Variants in GAN observed in about 807,000 individuals in gnomAD.
GAN encodes gigaxonin.
In GAN, 48 loss-of-function variants were observed where a neutral mutation model predicts 71.3. The observed-to-expected ratio is 0.67, with a 90% CI of 0.53 to 0.86. GAN has a LOEUF of 0.86. GAN is among the 40% of genes least tolerant of loss of function. The pLI is 0.00. For synonymous variants in GAN, 386 were observed against 276.8 expected (o/e 1.39, Z -3.92); for missense variants, 928 against 770.1 (o/e 1.21, Z -2.43).
intron 1 of GAN, among the ~76,000 whole-genome samples, chr16:81,333,954 C>T (rs1384515952): frequency 6.6e-6 from 1 of 152,218 alleles, no homozygotes; most frequent in African/African-American, 2.4e-5. Context: ...AACACATGCA[C>T]ACTCTGCAGA....
chr16:81,360,205 C>G lies in GAN; in HGVS notation c.973+2274C>G, dbSNP rs142364506. On this transcript the variant is annotated intron_variant, in intron 5 of 10. Transcript: ENST00000648994. ...TCAGACTTTCCACCTAGGATCATCT[C>G]CCTTCTCTCTGAAGTTCATCCTTTT... 3.3e-3 allele frequency among the ~76,000 whole-genome samples: 499 copies of G among 152,300 alleles called. 3 individuals are homozygous for G. The highest frequency in any genetic ancestry group is 0.011 in the African/African-American group (472 of 41,562).
chr16:81,324,360 T>C (rs1909311907), intron 1 of GAN, among the ~76,000 whole-genome samples: 1 of 152,120 alleles, frequency 6.6e-6, no homozygotes, highest in South Asian at 2.1e-4. Flanking sequence ...TGAGCATGGC[T>C]GCTGCTGTGG....
rs181123414 is a variant in GAN, at chr16:81,378,460, C to G, written c.*864C>G. The stretch of plus-strand genomic sequence containing the variant: ...GTAGGAGATTTTATAAAAGAAAGAC[C>G]TGAGTCAGACAAATAATAAAGGTCT... On this transcript the variant is annotated 3_prime_UTR_variant, in exon 11 of 11. Transcript: ENST00000648994. 2.6e-5 allele frequency: 4 copies of G among 152,204 alleles called. No homozygotes were observed. Among genetic ancestry groups the G allele is most frequent in the East Asian group, 1.9e-4 (1 of 5,174 alleles). 9.4% of individuals were successfully genotyped at this position (152,204 alleles called of 1,614,324 possible).
chr16:81,317,345 G>T (rs763772404), intron 1 of GAN, among the ~76,000 whole-genome samples: 8 of 152,244 alleles, frequency 5.3e-5, no homozygotes, highest in African/African-American at 1.4e-4. Flanking sequence ...ACTGGATTCA[G>T]AGTTTGAAGA....
rs1000230699 is a variant in GAN, at chr16:81,332,545, C to A, written c.167+17265C>A. Among the ~76,000 whole-genome samples, 4 of 152,326 alleles carry A rather than the reference C, an allele frequency of 2.6e-5. No individual in the cohort carries two copies. The East Asian group carries it at 7.7e-4, about 29-fold the overall frequency. ...CCCTCCAAGTATGCCTGCAAGTGCT[C>A]AGCCAACCTGAGTCGGGTGCCACCT... On this transcript the variant is annotated intron_variant, in intron 1 of 10. Coordinates refer to ENST00000648994, the MANE Select transcript of GAN (RefSeq NM_022041.4).
chr16:81,377,346 A>G lies in GAN; in HGVS notation c.1612+18A>G. 6.3e-7 allele frequency: 1 copy of G among 1,585,680 alleles called. No individual in the cohort carries two copies. Among genetic ancestry groups the G allele is most frequent in the Non-Finnish European group, 8.7e-7 (1 of 1,154,162 alleles). On this transcript the variant is annotated intron_variant, in intron 10 of 10. Coordinates refer to ENST00000648994, the MANE Select transcript of GAN (RefSeq NM_022041.4). The stretch of plus-strand genomic sequence containing the variant: ...TGATACAGGTAAGAGTGTTACAGTG[A>G]TTTTCTTGGAACTGTTTCCTGGTGA...
At chr16:81,345,667 C>A (rs1053199411) in intron 1 of GAN, among the ~76,000 whole-genome samples, 9 of 152,260 alleles carry the variant, frequency 5.9e-5, no homozygotes, top group Middle Eastern at 3.4e-3. Context: ...ATGGGTTCAG[C>A]AAACCACCAT....
rs143267977 is a variant in GAN, at chr16:81,355,942, T to A, written c.634-843T>A. 8.2e-3 allele frequency among the ~76,000 whole-genome samples: 1,250 copies of A among 152,296 alleles called. 4 individuals carry two copies. The highest frequency in any genetic ancestry group is 0.017 in the Middle Eastern group (5 of 294). ...ACAGGTAGTGTTCTGCTTTCCATGT[T>A]AGTTGGGGAAATTGGTAAAGGAGAT... On this transcript the variant is annotated intron_variant, in intron 3 of 10. Coordinates refer to ENST00000648994, the MANE Select transcript of GAN (RefSeq NM_022041.4).
At chr16:81,356,380 ATATTG>A (rs2150686669) in intron 3 of GAN, among the ~76,000 whole-genome samples, 1 of 152,208 alleles carries the variant, frequency 6.6e-6, no homozygotes, top group South Asian at 2.1e-4. Context: ...TAAGTTTACC[ATATTG>A]TATTGAGCTA....
chr16:81,386,629 C>G lies in GAN; in HGVS notation c.*9033C>G, dbSNP rs1284529587. The G allele has an allele frequency of 1.3e-5, 2 of 152,210 alleles. No individual in the cohort carries two copies. The highest frequency in any genetic ancestry group is 4.8e-5 in the African/African-American group (2 of 41,456). 9.4% of individuals were successfully genotyped at this position (152,210 alleles called of 1,614,324 possible). ...ATTTCAATAAGACATTTGATAAAGT[C>G]ATTCTTGATCTCTGAATGTGAAAAG... On this transcript the variant is annotated 3_prime_UTR_variant, in exon 11 of 11. Transcript: ENST00000648994.
At position 81,356,191 on chromosome 16, in the gene GAN, A is replaced by G. The variant is rs566624304; in HGVS notation, c.634-594A>G. Among the ~76,000 whole-genome samples the G allele has an allele frequency of 2.6e-5, 4 of 152,324 alleles. No homozygotes were observed. In the East Asian group the frequency reaches 5.8e-4, roughly 22 times the overall value. ...TTTAAAACTCACAGTTTTATTTTAC[A>G]TTTATAAAATACTTTCGTCAGTTCA... is the stretch of plus-strand genomic sequence containing the variant. On this transcript the variant is annotated intron_variant, in intron 3 of 10. Transcript: ENST00000648994.
chr16:81,382,434 T>C lies in GAN; in HGVS notation c.*4838T>C, dbSNP rs1257598693. 2.6e-5 allele frequency: 4 copies of C among 152,254 alleles called. No homozygotes were observed. The highest frequency in any genetic ancestry group is 2.1e-4 in the South Asian group (1 of 4,836). The allele number at this position is 152,254 out of a possible 1,614,324, so 9.4% of individuals were successfully genotyped here. ...AGCTATAGGAAGGTTAAGAATTTAT[T>C]TACTAAGGTCGTAAGAACAGAAGAA... On this transcript the variant is annotated 3_prime_UTR_variant, in exon 11 of 11. Coordinates refer to ENST00000648994, the MANE Select transcript of GAN (RefSeq NM_022041.4).
chr16:81,354,365 G>T lies in GAN; in HGVS notation c.283-40G>T, dbSNP rs117009369. On this transcript the variant is annotated intron_variant, in intron 2 of 10. Coordinates refer to ENST00000648994, the MANE Select transcript of GAN (RefSeq NM_022041.4). The stretch of plus-strand genomic sequence containing the variant: ...TAGGTTAGTGGTTTGGGTTTTAAAT[G>T]TACACATTCAAATATAAGATAATTA... The T allele has an allele frequency of 0.012, 16,263 of 1,305,052 alleles. 148 individuals carry two copies. The highest frequency in any genetic ancestry group is 0.015 in the Non-Finnish European group (13,339 of 899,240). The allele number at this position is 1,305,052 out of a possible 1,614,324, so 80.8% of individuals were successfully genotyped here.
intron 1 of GAN, among the ~76,000 whole-genome samples, chr16:81,331,358 T>A (rs1909571508): frequency 6.6e-6 from 1 of 152,160 alleles, no homozygotes; most frequent in Non-Finnish European, 1.5e-5. Flanking sequence ...CTAGATTGGA[T>A]CCTAGAACAG....
chr16:81,316,409 G>C (rs1004989256), intron 1 of GAN, among the ~76,000 whole-genome samples: 9 of 146,564 alleles, frequency 6.1e-5, no homozygotes, highest in South Asian at 2.1e-4. Flanking sequence ...AGAAATTCAA[G>C]TGCCCTTGTA....
At position 81,325,933 on chromosome 16, in the gene GAN, C is replaced by G. The variant is rs150977559; in HGVS notation, c.167+10653C>G. On this transcript the variant is annotated intron_variant, in intron 1 of 10. Coordinates refer to ENST00000648994, the MANE Select transcript of GAN (RefSeq NM_022041.4). The stretch of plus-strand genomic sequence containing the variant: ...TTTGCTTTCTGCATGTGTTTCTTGT[C>G]TCTCTGCCTTTCTTGACTTCCTACT... 2.0e-5 allele frequency among the ~76,000 whole-genome samples: 3 copies of G among 152,326 alleles called. No homozygotes were observed. The East Asian group carries it at 5.8e-4, about 29-fold the overall frequency.
intron 1 of GAN, among the ~76,000 whole-genome samples, chr16:81,325,598 A>T (rs1278493640): frequency 3.9e-5 from 6 of 152,234 alleles, no homozygotes; most frequent in African/African-American, 1.4e-4. Context: ...CAGGACCAGG[A>T]AGGGATGAAC....
At position 81,385,648 on chromosome 16, in the gene GAN, C is replaced by G. The variant is rs1261810434; in HGVS notation, c.*8052C>G. ...TCTCAACATGGGGTGGTGGGAGGCC[C>G]TGTGGATGAGGCCAAGGCTGCCTGC... On this transcript the variant is annotated 3_prime_UTR_variant, in exon 11 of 11. Coordinates refer to ENST00000648994, the MANE Select transcript of GAN (RefSeq NM_022041.4). 1 of 152,298 alleles carries G rather than the reference C, an allele frequency of 6.6e-6. No homozygotes were observed. The highest frequency in any genetic ancestry group is 2.4e-5 in the African/African-American group (1 of 41,414). 9.4% of individuals were successfully genotyped at this position (152,298 alleles called of 1,614,324 possible).
chr16:81,378,825 C>G lies in GAN; in HGVS notation c.*1229C>G, dbSNP rs1335535222. The stretch of plus-strand genomic sequence containing the variant: ...TCCTATCTCTCATTCTCACCTCAAC[C>G]CACTTTACCCCACTTCTCATTGGGG... On this transcript the variant is annotated 3_prime_UTR_variant, in exon 11 of 11. Transcript: ENST00000648994. 1 of 152,568 alleles carries G rather than the reference C, an allele frequency of 6.6e-6. No homozygotes were observed. The highest frequency in any genetic ancestry group is 1.5e-5 in the Non-Finnish European group (1 of 68,038). 9.5% of individuals were successfully genotyped at this position (152,568 alleles called of 1,614,324 possible). A position where few individuals can be genotyped will look rare whatever the true frequency, so the allele number is the denominator to read the frequency against.
Sources: gnomAD v4.1 joint callset for allele counts (sites outside exome capture counted in the v4.1 genomes callset) on GRCh38, gnomAD v4.1.1 for gene constraint, MANE v1.5 for transcripts, NCBI Gene and HGNC (gene_info 2026-07-23, HGNC 2026-07-21) for gene names.